The following ATP8A2 variants were observed in gnomAD, a reference collection of about 807,000 sequenced individuals.
ATP8A2 encodes ATPase phospholipid transporting 8A2, also known as phospholipid-transporting ATPase IB.
ATP8A2 carries 100 observed loss-of-function variants against 165.6 expected under a neutral mutation model. That is an observed-to-expected ratio of 0.60 (90% CI 0.51 to 0.71). The LOEUF is 0.71. Ranked by LOEUF, ATP8A2 falls within the 30% of genes least tolerant of loss-of-function variation. The pLI is 0.00. For missense variants in ATP8A2, 1,227 were observed against 1,479.5 expected (o/e 0.83, Z 2.80); for synonymous variants, 543 against 548.8 (o/e 0.99, Z 0.15).
intron 1 of ATP8A2, among the ~76,000 whole-genome samples, chr13:25,458,138 G>A (rs2035411824): frequency 1.3e-5 from 2 of 152,176 alleles, no homozygotes; most frequent in Admixed American, 1.3e-4. Context: ...AGAAAGATTA[G>A]AAGGAATGTC....
At chr13:25,574,942 T>C (rs919273597) in intron 19 of ATP8A2, 85 bp downstream of exon 19, 6 of 706,128 alleles carry the variant, frequency 8.5e-6, no homozygotes, top group Non-Finnish European at 1.5e-5. Context: ...TTGTATGGTA[T>C]GATTCAATAT....
chr13:25,995,281 A>G lies in ATP8A2; in HGVS notation c.3378-17250A>G, dbSNP rs78449305. Among the ~76,000 whole-genome samples, 268 of 151,786 alleles carry G rather than the reference A, an allele frequency of 1.8e-3. 6 individuals carry two copies. The East Asian group carries it at 0.032, about 18-fold the overall frequency. On this transcript the variant is annotated intron_variant, in intron 35 of 36. Transcript: ENST00000381655. ...GTTCTTTTCAAATAAGAAGCTCAAT[A>G]AAGAGCTTTTTTATTGTTTCTCTGT...
intron 2 of ATP8A2, among the ~76,000 whole-genome samples, chr13:25,498,026 G>T (rs1464177629): frequency 2.6e-5 from 4 of 152,034 alleles, no homozygotes; most frequent in Non-Finnish European, 4.4e-5. Flanking sequence ...CATTATAATT[G>T]TTGCCTGTTT....
chr13:25,461,566 A>G (rs76453769), intron 1 of ATP8A2, among the ~76,000 whole-genome samples: 1,715 of 152,334 alleles, frequency 0.011, 34 homozygotes, highest in African/African-American at 0.039. Flanking sequence ...GGGGGCAAAG[A>G]GAAAACTACA....
At chr13:25,940,184 C>T (rs532895761) in intron 33 of ATP8A2, among the ~76,000 whole-genome samples, 1 of 152,078 alleles carries the variant, frequency 6.6e-6, no homozygotes, top group South Asian at 2.1e-4. Context: ...CTCTTCATGC[C>T]GAACTTGACT....
chr13:25,809,290 A>G lies in ATP8A2; in HGVS notation c.2680-18828A>G, dbSNP rs186389532. On this transcript the variant is annotated intron_variant, in intron 27 of 36. Coordinates refer to ENST00000381655, the MANE Select transcript of ATP8A2 (RefSeq NM_016529.6). ...AGCCCAAACCTCAGCATCTCGCAGT[A>G]TACCCACGTAACAAACCTGTACATG... Among the ~76,000 whole-genome samples the G allele has an allele frequency of 1.4e-3, 218 of 152,276 alleles. 2 individuals are homozygous for G. The highest frequency in any genetic ancestry group is 5.1e-3 in the African/African-American group (212 of 41,572).
At chr13:25,532,995 A>T (rs561308704) in intron 5 of ATP8A2, among the ~76,000 whole-genome samples, 1 of 152,204 alleles carries the variant, frequency 6.6e-6, no homozygotes, top group South Asian at 2.1e-4. Context: ...GTGGAACAGC[A>T]GGCTTTTTTT....
At chr13:25,852,922 C>A (rs925177315) in intron 30 of ATP8A2, among the ~76,000 whole-genome samples, 1 of 151,556 alleles carries the variant, frequency 6.6e-6, no homozygotes, top group Non-Finnish European at 1.5e-5. Context: ...AAAAAAATTA[C>A]AGTTTCTTAC....
At chr13:25,792,856 C>T (rs138532248) in intron 27 of ATP8A2, among the ~76,000 whole-genome samples, 4 of 150,908 alleles carry the variant, frequency 2.7e-5, no homozygotes, top group Non-Finnish European at 2.9e-5. Flanking sequence ...CTCATGAGGT[C>T]GAGGCTGCAG....
rs571967181 is a variant in ATP8A2, at chr13:25,503,523, A to T, written c.222-26476A>T. ...TTGGGCATTTGGAGGATCCAAATCC[A>T]CAAGAACTCAGCCTCCATTTGCACA... On this transcript the variant is annotated intron_variant, in intron 2 of 36. Transcript: ENST00000381655. Among the ~76,000 whole-genome samples, 24 of 152,282 alleles carry T rather than the reference A, an allele frequency of 1.6e-4. No homozygotes were observed. The East Asian group carries it at 4.6e-3, about 29-fold the overall frequency.
At chr13:25,380,760 G>A (rs1260474160) in intron 1 of ATP8A2, among the ~76,000 whole-genome samples, 1 of 152,044 alleles carries the variant, frequency 6.6e-6, no homozygotes, top group Non-Finnish European at 1.5e-5. Context: ...TTATCTGACG[G>A]TCAACACCCC....
At chr13:25,542,186 TC>T in intron 9 of ATP8A2, 140 bp downstream of exon 9, 1 of 942,434 alleles carries the variant, frequency 1.1e-6, no homozygotes, top group Non-Finnish European at 1.5e-6. Flanking sequence ...TTTAAAGCCT[TC>T]CTTAGATTTA....
chr13:25,531,398 TTATATATA>T (rs1186569529), intron 4 of ATP8A2, among the ~76,000 whole-genome samples: 32 of 87,240 alleles, frequency 3.7e-4, no homozygotes, highest in Non-Finnish European at 4.3e-4. Context: ...ATATATATGA[TTATATATA>T]TGATTATATA....
intron 1 of ATP8A2, among the ~76,000 whole-genome samples, chr13:25,411,917 T>G (rs932218099): frequency 2.0e-5 from 3 of 152,230 alleles, no homozygotes; most frequent in South Asian, 4.1e-4. Context: ...CTTTAAATCT[T>G]CCTGCCCAAA....
At chr13:25,588,503 T>G (rs2039983286) in intron 23 of ATP8A2, among the ~76,000 whole-genome samples, 1 of 152,146 alleles carries the variant, frequency 6.6e-6, no homozygotes, top group East Asian at 1.9e-4. Context: ...GTGAGAAGGA[T>G]GTCTTCTTCC....
intron 15 of ATP8A2, among the ~76,000 whole-genome samples, chr13:25,562,157 G>A (rs766106682): frequency 1.2e-4 from 19 of 152,050 alleles, no homozygotes; most frequent in Non-Finnish European, 2.5e-4. Context: ...TTACTGGGTC[G>A]TATGGTAATT....
At chr13:25,862,242 T>A in intron 32 of ATP8A2, 59 bp from the exon 33 acceptor site, 2 of 1,230,470 alleles carry the variant, frequency 1.6e-6, no homozygotes, top group Non-Finnish European at 2.4e-6. Flanking sequence ...CAAGTGGAGT[T>A]GGGGTGAATC....
intron 28 of ATP8A2, among the ~76,000 whole-genome samples, chr13:25,836,389 G>A (rs1159465863): frequency 2.0e-5 from 3 of 152,134 alleles, no homozygotes; most frequent in African/African-American, 7.2e-5. Context: ...TTTGTAAGGG[G>A]TGCATCTCTC....
chr13:25,530,480 C>G (rs1231189344), intron 3 of ATP8A2, 82 bp from the exon 4 acceptor site: 5 of 779,192 alleles, frequency 6.4e-6, no homozygotes, highest in Non-Finnish European at 1.1e-5. Context: ...AAGTGTGAAA[C>G]GTACGTGACT....
Sources: gnomAD v4.1 joint callset for allele counts (sites outside exome capture counted in the v4.1 genomes callset) on GRCh38, gnomAD v4.1.1 for gene constraint, MANE v1.5 for transcripts, NCBI Gene and HGNC (gene_info 2026-07-23, HGNC 2026-07-21) for gene names.